USP34: variants seen among roughly 807,000 people sequenced by gnomAD.
The protein encoded by USP34 is ubiquitin carboxyl-terminal hydrolase 34.
Under a neutral mutation model 460.3 loss-of-function variants are expected in USP34, and 70 were observed. The ratio of observed to expected loss-of-function variants is 0.15; its 90% CI spans 0.13 to 0.19. USP34 has a LOEUF of 0.19. Ranked by LOEUF, USP34 falls within the 10% of genes least tolerant of loss-of-function variation. The pLI, the probability that USP34 is intolerant of heterozygous loss-of-function variation, is 1.00. For missense variants in USP34, 3,985 were observed against 4,236.2 expected, an observed-to-expected ratio of 0.94 and a Z score of 1.65; for synonymous variants, 1,647 against 1,405.3, an observed-to-expected ratio of 1.17 and a Z score of -3.85.
At chr2:61,429,754 G>T (rs555784614) in intron 1 of USP34, among the ~76,000 whole-genome samples, 2 of 152,182 alleles carry the variant, frequency 1.3e-5, no homozygotes, top group South Asian at 4.1e-4. Flanking sequence ...CCAACCAGAT[G>T]TAAGTAGTAC....
chr2:61,378,472 C>A, intron 7 of USP34, 48 bp from the exon 8 acceptor site: 1 of 1,330,296 alleles, frequency 7.5e-7, no homozygotes, highest in Non-Finnish European at 1.1e-6. Context: ...CAAAATTATT[C>A]TTGCATTTGT....
intron 33 of USP34, among the ~76,000 whole-genome samples, chr2:61,289,454 C>A (rs937930328): frequency 6.6e-6 from 1 of 152,004 alleles, no homozygotes; most frequent in Non-Finnish European, 1.5e-5. Flanking sequence ...ATAAAATTTA[C>A]AGCTGACTGG....
rs1264113588 is a variant in USP34, at chr2:61,278,208, A to C, written c.5390T>G (p.Val1797Gly). 6 of 1,613,582 alleles carry C rather than the reference A, an allele frequency of 3.7e-6. No individual in the cohort carries two copies. The highest frequency in any genetic ancestry group is 1.7e-5 in the Admixed American group (1 of 59,958). ...TTTAAAGGGTGGTTTGTGTTTAACA[A>C]CACTTGTTGCAAGCCTTAGGAGTCC... ...LTGLLRLATS[V>G]VKHKPPFKFS... Residue 1797 changes from valine to glycine, a missense_variant, in exon 41 of 80, where the codon GTT becomes GGT. Val to Gly is a moderately radical substitution (Grantham distance 109). Around this residue, in one of 14 missense-constraint regions of USP34, gnomAD observed 1,114 missense variants for 1,122.5 expected, o/e 0.99. Transcript: ENST00000398571.
chr2:61,321,057 T>C (rs2103699504), intron 21 of USP34, among the ~76,000 whole-genome samples: 1 of 151,560 alleles, frequency 6.6e-6, no homozygotes, highest in South Asian at 2.1e-4. Context: ...GCACCTTTAG[T>C]CCTAGCTACT....
At chr2:61,427,144 C>G (rs531248048) in intron 1 of USP34, among the ~76,000 whole-genome samples, 66 of 152,340 alleles carry the variant, frequency 4.3e-4, no homozygotes, top group South Asian at 3.5e-3. Context: ...TCTCCTGCCT[C>G]AGCCTCCCGA....
chr2:61,418,097 T>G (rs1694252202), intron 2 of USP34, among the ~76,000 whole-genome samples: 1 of 151,208 alleles, frequency 6.6e-6, no homozygotes. Flanking sequence ...TTTTTTTTTT[T>G]TAAGATGGAG....
At chr2:61,447,854 T>G (rs1301320165) in intron 1 of USP34, among the ~76,000 whole-genome samples, 1 of 152,160 alleles carries the variant, frequency 6.6e-6, no homozygotes, top group African/African-American at 2.4e-5. Context: ...TAGTTGGGAT[T>G]GCAGGTGCGC....
intron 1 of USP34, among the ~76,000 whole-genome samples, chr2:61,447,902 G>A (rs1695165241): frequency 6.6e-6 from 1 of 152,088 alleles, no homozygotes; most frequent in East Asian, 1.9e-4. Flanking sequence ...TTTTAGTAGA[G>A]ACAAGGTTTC....
chr2:61,304,843 T>G (rs1388036994), intron 27 of USP34, among the ~76,000 whole-genome samples: 3 of 152,224 alleles, frequency 2.0e-5, no homozygotes, highest in African/African-American at 7.2e-5. Flanking sequence ...CTTTTACTAC[T>G]TTTGAGAAGA....
Position 61,187,563 on chromosome 2 carries a change from C to G in USP34, c.*539G>C. 2 of 959,416 alleles carry G rather than the reference C, an allele frequency of 2.1e-6. No homozygotes were observed. Among genetic ancestry groups the G allele is most frequent in the Non-Finnish European group, 2.5e-6 (2 of 805,902 alleles). 59.4% of individuals were successfully genotyped at this position (959,416 alleles called of 1,614,324 possible). On this transcript the variant is annotated 3_prime_UTR_variant, in exon 80 of 80. Transcript: ENST00000398571. Reference sequence around the variant, plus strand: ...AACAATTATTTTTACATCAAGTGTGCTTTATTTCCTCCACAGGTATTCTGT... The same window carrying G: ...AACAATTATTTTTACATCAAGTGTGGTTTATTTCCTCCACAGGTATTCTGT...
chr2:61,443,149 G>T (rs933129025), intron 1 of USP34, among the ~76,000 whole-genome samples: 1 of 152,138 alleles, frequency 6.6e-6, no homozygotes, highest in African/African-American at 2.4e-5. Flanking sequence ...AGGGGAAAGG[G>T]AAGAATAGGG....
At chr2:61,424,717 G>C (rs370672853) in intron 1 of USP34, among the ~76,000 whole-genome samples, 1 of 151,146 alleles carries the variant, frequency 6.6e-6, no homozygotes, top group East Asian at 1.9e-4. Flanking sequence ...CTCTATTTAA[G>C]AAAAAAAGAC....
At chr2:61,402,230 TG>T (rs1408582713) in intron 3 of USP34, among the ~76,000 whole-genome samples, 1 of 152,020 alleles carries the variant, frequency 6.6e-6, no homozygotes, top group Non-Finnish European at 1.5e-5. Context: ...TGGTGACCAA[TG>T]ATCACACCAC....
At chr2:61,426,377 G>C (rs1378150028) in intron 1 of USP34, among the ~76,000 whole-genome samples, 1 of 152,072 alleles carries the variant, frequency 6.6e-6, no homozygotes, top group Admixed American at 6.6e-5. Flanking sequence ...TGCCCTGAAG[G>C]GTGAGTCCCA....
chr2:61,337,019 T>C (rs1025712567), intron 18 of USP34, among the ~76,000 whole-genome samples: 6 of 152,158 alleles, frequency 3.9e-5, no homozygotes, highest in African/African-American at 1.4e-4. Context: ...AGTTTTCTCT[T>C]TCTATTGAAG....
chr2:61,205,419 G>A (rs1465350135), intron 72 of USP34, among the ~76,000 whole-genome samples: 1 of 152,108 alleles, frequency 6.6e-6, no homozygotes, highest in Non-Finnish European at 1.5e-5. Context: ...TGCACAGAAC[G>A]TCAAGACGGA....
rs768803330 is a variant in USP34, at chr2:61,348,293, T to C, written c.1862A>G (p.Lys621Arg). 5.3e-5 allele frequency: 86 copies of C among 1,614,088 alleles called. No homozygotes were observed. The highest frequency in any genetic ancestry group is 6.8e-5 in the Non-Finnish European group (80 of 1,180,042). ...ATGATCATCGTCTTCATCTTCCTCTTTGAGGGCTTCAATATCTGCAATGTC... is the reference window on the plus strand; with the variant it reads ...ATGATCATCGTCTTCATCTTCCTCTCTGAGGGCTTCAATATCTGCAATGTC... ...SEDIADIEAL[K>R]EEDEDDDHGH... is the part of the protein sequence containing the mutation. Residue 621 changes from lysine to arginine, a missense_variant, in exon 15 of 80, where the codon AAA becomes AGA. Lys to Arg is a conservative substitution (Grantham distance 26). This residue lies in a region of USP34 where 716 missense variants were observed against 626.2 expected (regional missense o/e 1.14). Transcript: ENST00000398571.
chr2:61,449,934 C>T lies in USP34; in HGVS notation c.43+20716G>A, dbSNP rs761577725. Among the ~76,000 whole-genome samples the T allele has an allele frequency of 5.9e-5, 9 of 152,160 alleles. No individual in the cohort carries two copies. In the South Asian group the frequency reaches 6.2e-4, roughly 11 times the overall value. ...TACAAAAATAAGCTGGGCATGGTGG[C>T]GCACGCCTGTAGTCCCAGCTACTCG... is the stretch of plus-strand genomic sequence containing the variant. On this transcript the variant is annotated intron_variant, in intron 1 of 79. Coordinates refer to ENST00000398571, the MANE Select transcript of USP34 (RefSeq NM_014709.4).
intron 27 of USP34, among the ~76,000 whole-genome samples, chr2:61,306,316 T>C (rs1201189572): frequency 2.6e-5 from 4 of 152,246 alleles, no homozygotes. Context: ...GCATCATTTA[T>C]TAAATAGGGA....
Sources: gnomAD v4.1 joint callset for allele counts (sites outside exome capture counted in the v4.1 genomes callset) on GRCh38, gnomAD v4.1.1 for gene constraint, gnomAD v4.1.1 regional missense constraint, MANE v1.5 for transcripts, NCBI Gene and HGNC (gene_info 2026-07-23, HGNC 2026-07-21) for gene names.